The following ANO4 variants were observed in gnomAD, a reference collection of about 807,000 sequenced individuals.
ANO4 encodes the protein anoctamin 4.
A neutral mutation model predicts 141.9 loss-of-function variants in ANO4; 69 were observed. That is an observed-to-expected ratio of 0.49 (90% CI 0.40 to 0.59). The LOEUF (loss-of-function observed/expected upper bound fraction) is 0.59, where lower values mean the gene tolerates loss of function less well. Ranked by LOEUF, ANO4 falls within the 20% of genes least tolerant of loss-of-function variation. The pLI is 0.00. For missense variants in ANO4, 894 were observed against 1,162.2 expected, an observed-to-expected ratio of 0.77 and a Z score of 3.36; for synonymous variants, 350 against 394.3, an observed-to-expected ratio of 0.89 and a Z score of 1.33.
chr12:100,735,490 A>G (rs1168251796), intron 2 of ANO4, among the ~76,000 whole-genome samples: 1 of 152,146 alleles, frequency 6.6e-6, no homozygotes, highest in East Asian at 1.9e-4. Flanking sequence ...AGACAAATGT[A>G]TGGATGAGAG....
intron 3 of ANO4, among the ~76,000 whole-genome samples, chr12:100,744,559 C>T (rs1301474905): frequency 6.6e-6 from 1 of 152,054 alleles, no homozygotes; most frequent in Admixed American, 6.6e-5. Flanking sequence ...CCTTCAAATG[C>T]CATCACGCTG....
At chr12:100,864,009 AATCTGTTTTCC>A (rs2038620914) in intron 1 of ANO4, among the ~76,000 whole-genome samples, 1 of 152,128 alleles carries the variant, frequency 6.6e-6, no homozygotes, top group African/African-American at 2.4e-5. Context: ...AAATTATTCC[AATCTGTTTTCC>A]ATCTGTTTTC....
At chr12:101,047,437 C>G (rs1436522682) in intron 13 of ANO4, among the ~76,000 whole-genome samples, 1 of 152,158 alleles carries the variant, frequency 6.6e-6, no homozygotes, top group Non-Finnish European at 1.5e-5. Flanking sequence ...CTGCCCATCT[C>G]TCCTCTATTC....
chr12:101,086,125 T>TGTGTGTGTGTGTG (rs1566228195), intron 16 of ANO4, among the ~76,000 whole-genome samples: 6 of 134,838 alleles, frequency 4.4e-5, no homozygotes, highest in Non-Finnish European at 9.4e-5. Flanking sequence ...TGTGTGTGTG[T>TGTGTGTGTGTGTG]TCGGCAAGAG....
Position 100,767,254 on chromosome 12 carries a change from G to T in ANO4, c.358+27149G>T, listed in dbSNP as rs2033125773. Among the ~76,000 whole-genome samples, 4 of 152,138 alleles carry T rather than the reference G, an allele frequency of 2.6e-5. No homozygotes were observed. In the South Asian group the frequency reaches 6.2e-4, roughly 24 times the overall value. On this transcript the variant is annotated intron_variant, in intron 3 of 29. Transcript: ENST00000644049. ...TACTGCCATTTTGTAATTGTTTTCTGACTGTTTTGTAGTTTCTTTGTTCCA... is the reference window on the plus strand; with the variant it reads ...TACTGCCATTTTGTAATTGTTTTCTTACTGTTTTGTAGTTTCTTTGTTCCA...
intron 22 of ANO4, among the ~76,000 whole-genome samples, chr12:101,103,951 A>C (rs1239039783): frequency 2.0e-5 from 3 of 151,898 alleles, no homozygotes; most frequent in Admixed American, 2.0e-4. Flanking sequence ...ATCTGTTTTC[A>C]TAAGCTGTGT....
At chr12:100,724,442 C>T (rs2031013511) in intron 1 of ANO4, among the ~76,000 whole-genome samples, 1 of 152,186 alleles carries the variant, frequency 6.6e-6, no homozygotes, top group Non-Finnish European at 1.5e-5. Flanking sequence ...ATGCAGGTTG[C>T]AGAGGAGAAT....
intron 3 of ANO4, among the ~76,000 whole-genome samples, chr12:100,777,098 T>A (rs1219804391): frequency 1.3e-5 from 1 of 79,104 alleles, no homozygotes; most frequent in Non-Finnish European, 2.6e-5. Flanking sequence ...CCTGATTTTT[T>A]TTTTTTTTTT....
intron 5 of ANO4, among the ~76,000 whole-genome samples, chr12:100,964,351 GC>G (rs1398984302): frequency 1.3e-5 from 2 of 152,112 alleles, no homozygotes; most frequent in African/African-American, 4.8e-5. Flanking sequence ...TACCGGGGTT[GC>G]TGTGAAAATT....
At chr12:100,939,511 A>G (rs2042420962) in intron 4 of ANO4, 60 bp downstream of exon 4, 24 of 1,577,590 alleles carry the variant, frequency 1.5e-5, no homozygotes, top group Non-Finnish European at 1.8e-5. Flanking sequence ...CCTGTGAAGC[A>G]TGTTCCAATG....
intron 3 of ANO4, among the ~76,000 whole-genome samples, chr12:100,770,781 A>AT (rs10652346): frequency 0.04 from 5,239 of 131,258 alleles, 147 homozygotes; most frequent in African/African-American, 0.044. Context: ...CTTGGCTTGA[A>AT]TTTTTTTTTT....
chr12:100,964,198 TTTC>T (rs2043548280), intron 5 of ANO4, among the ~76,000 whole-genome samples: 1 of 152,170 alleles, frequency 6.6e-6, no homozygotes, highest in Non-Finnish European at 1.5e-5. Context: ...GCCTCTCAGC[TTTC>T]TTCTTGTGAA....
At chr12:100,793,034 T>G (rs1263662581), upstream of ANO4, among the ~76,000 whole-genome samples, 1 of 152,222 alleles carries the variant, frequency 6.6e-6, no homozygotes, top group Non-Finnish European at 1.5e-5. Context: ...ATGGATTGGT[T>G]TAATCTGAAG....
chr12:100,922,152 C>T, intron 2 of ANO4, 74 bp from the exon 3 acceptor site: 1 of 1,076,836 alleles, frequency 9.3e-7, no homozygotes. Context: ...TTTGACATAG[C>T]TTCTCCTTGG....
intron 4 of ANO4, among the ~76,000 whole-genome samples, chr12:100,939,984 T>C (rs902796981): frequency 6.6e-6 from 1 of 152,202 alleles, no homozygotes; most frequent in Non-Finnish European, 1.5e-5. Flanking sequence ...CAATAGAGTT[T>C]AATATTTCCT....
intron 9 of ANO4, among the ~76,000 whole-genome samples, chr12:101,027,100 G>A (rs1456534508): frequency 6.6e-6 from 1 of 152,152 alleles, no homozygotes; most frequent in Non-Finnish European, 1.5e-5. Flanking sequence ...AGAGCAGTGT[G>A]GTGCGGCAGC....
intron 1 of ANO4, among the ~76,000 whole-genome samples, chr12:100,813,145 G>A (rs961196567): frequency 6.6e-6 from 1 of 152,180 alleles, no homozygotes; most frequent in Non-Finnish European, 1.5e-5. Flanking sequence ...GCTGGTATTA[G>A]CATCCATATG....
At chr12:100,907,037 A>G (rs1323682123) in intron 2 of ANO4, among the ~76,000 whole-genome samples, 1 of 152,194 alleles carries the variant, frequency 6.6e-6, no homozygotes, top group African/African-American at 2.4e-5. Flanking sequence ...AATTGTCTTC[A>G]GTGGTTCTCT....
At chr12:101,051,371 AT>A (rs1052372618) in intron 14 of ANO4, among the ~76,000 whole-genome samples, 1 of 152,138 alleles carries the variant, frequency 6.6e-6, no homozygotes, top group Non-Finnish European at 1.5e-5. Context: ...ACAGAGGAAC[AT>A]TTTAGGGCCA....
Sources: gnomAD v4.1 joint callset for allele counts (sites outside exome capture counted in the v4.1 genomes callset) on GRCh38, gnomAD v4.1.1 for gene constraint, MANE v1.5 for transcripts, NCBI Gene and HGNC (gene_info 2026-07-23, HGNC 2026-07-21) for gene names.